The following SMARCB1 variants were observed in gnomAD, a reference collection of about 807,000 sequenced individuals.
The protein encoded by SMARCB1 is SWI/SNF related BAF chromatin remodeling complex subunit B1.
A neutral mutation model predicts 49.0 loss-of-function variants in SMARCB1; 5 were observed. That is an observed-to-expected ratio of 0.10 (90% confidence interval 0.05 to 0.21). The LOEUF (loss-of-function observed/expected upper bound fraction) is 0.21. SMARCB1 is among the 10% of genes least tolerant of loss of function. The pLI is 1.00. For missense variants in SMARCB1, 226 were observed against 509.2 expected (o/e 0.44, Z 5.35); for synonymous variants, 201 against 200.1 (o/e 1.00, Z -0.04).
chr22:23,787,238 C>G lies in SMARCB1; in HGVS notation c.69C>G (p.Gly23=), dbSNP rs769604673. Residue 23 remains glycine, a synonymous_variant, in exon 1 of 9, where the codon GGC becomes GGG. Transcript: ENST00000644036. ...KPVKFQLEDD[G]EFYMIGSEVG... ...TGAAGTTCCAGCTGGAGGACGACGG[C>G]GAGTTCTACATGATCGGCTCCGAGG... 2.4e-5 allele frequency: 38 copies of G among 1,605,508 alleles called. No homozygotes were observed. In the East Asian group the frequency reaches 8.3e-4, roughly 35 times the overall value.
intron 3 of SMARCB1, among the ~76,000 whole-genome samples, chr22:23,795,383 C>T (rs967395559): frequency 6.6e-6 from 1 of 152,030 alleles, no homozygotes; most frequent in South Asian, 2.1e-4. Flanking sequence ...AGGCCGGGCA[C>T]GGTGGCTCAC....
chr22:23,787,360 C>CTGT, intron 1 of SMARCB1, 98 bp downstream of exon 1: 1 of 531,636 alleles, frequency 1.9e-6, no homozygotes, highest in African/African-American at 3.9e-5. Flanking sequence ...TTCATCGGGG[C>CTGT]GGGCGGGCGC....
intron 7 of SMARCB1, among the ~76,000 whole-genome samples, chr22:23,828,920 G>A (rs1204665740): frequency 6.6e-6 from 1 of 152,232 alleles, no homozygotes; most frequent in African/African-American, 2.4e-5. Context: ...ACAGACAGGA[G>A]ACAAGCATGA....
At chr22:23,808,484 C>T (rs1929656163) in intron 5 of SMARCB1, among the ~76,000 whole-genome samples, 1 of 151,926 alleles carries the variant, frequency 6.6e-6, no homozygotes, top group Non-Finnish European at 1.5e-5. Flanking sequence ...TCTCGATCTC[C>T]TGACCTCGTG....
chr22:23,803,157 G>T (rs1929272524), intron 4 of SMARCB1, 138 bp from the exon 5 acceptor site: 8 of 1,136,618 alleles, frequency 7.0e-6, no homozygotes, highest in African/African-American at 1.5e-5. Flanking sequence ...CTCGTCTGCT[G>T]CCTCAGCTGT....
chr22:23,790,321 C>T (rs1371684218), intron 1 of SMARCB1, among the ~76,000 whole-genome samples: 2 of 152,148 alleles, frequency 1.3e-5, no homozygotes, highest in Admixed American at 6.6e-5. Context: ...ATGTGGAAAG[C>T]GAGTGACTTG....
rs1277350029 is a variant in SMARCB1 at position 23,835,031 on chromosome 22, C to CT, written c.*852dup. On this transcript the variant is annotated 3_prime_UTR_variant, in exon 9 of 9. Coordinates refer to ENST00000644036, the MANE Select transcript of SMARCB1 (RefSeq NM_003073.5). ...CCAGTGGCACCCATAGCCAGGTCAG[C>CT]TGGGGCCCTTTCCCACCCCAGCAGG... The CT allele has an allele frequency of 7.0e-5, 99 of 1,416,158 alleles. 1 individual carries two copies. Among genetic ancestry groups the CT allele is most frequent in the Non-Finnish European group, 8.9e-5 (97 of 1,087,506 alleles). 87.7% of individuals were successfully genotyped at this position (1,416,158 alleles called of 1,614,324 possible).
At chr22:23,831,207 A>G (rs6003904) in intron 7 of SMARCB1, among the ~76,000 whole-genome samples, 34,727 of 152,048 alleles carry the variant, frequency 0.23, 5,732 homozygotes, top group African/African-American at 0.47. Context: ...TGGACAGGTC[A>G]TTTTCCCTTG....
chr22:23,800,702 C>A (rs974171578), intron 3 of SMARCB1, among the ~76,000 whole-genome samples: 2 of 152,184 alleles, frequency 1.3e-5, no homozygotes, highest in African/African-American at 4.8e-5. Flanking sequence ...GCTCATAGTG[C>A]AGTACACCAT....
intron 4 of SMARCB1, chr22:23,801,422 T>C (rs1420232435): frequency 1.6e-6 from 1 of 608,876 alleles, no homozygotes; most frequent in Admixed American, 2.1e-5. Flanking sequence ...TCCACGTGAC[T>C]CCCACTGTGC....
At chr22:23,798,419 T>A (rs192489431) in intron 3 of SMARCB1, among the ~76,000 whole-genome samples, 1 of 152,006 alleles carries the variant, frequency 6.6e-6, no homozygotes, top group South Asian at 2.1e-4. Context: ...TAAAAAAATT[T>A]AAAAATTGCA....
chr22:23,825,018 C>T (rs1746254907), intron 6 of SMARCB1: 12 of 615,854 alleles, frequency 1.9e-5, no homozygotes, highest in Non-Finnish European at 3.2e-5. Context: ...CTGTGCTGGG[C>T]CCTGAGCCAG....
Position 23,835,161 on chromosome 22 carries a change from G to A in SMARCB1, c.*981G>A. 3 of 1,315,110 alleles carry A rather than the reference G, an allele frequency of 2.3e-6. No homozygotes were observed. Among genetic ancestry groups the A allele is most frequent in the Non-Finnish European group, 2.9e-6 (3 of 1,035,090 alleles). 81.5% of individuals were successfully genotyped at this position (1,315,110 alleles called of 1,614,324 possible). A position where few individuals can be genotyped will look rare whatever the true frequency, so the allele number is the denominator to read the frequency against. ...TCTTGGAGTTGACACGGTACAGGGA[G>A]GAGACACAGCCCAGGGTCCCTTCCC... is the stretch of plus-strand genomic sequence containing the variant. On this transcript the variant is annotated 3_prime_UTR_variant, in exon 9 of 9. Coordinates refer to ENST00000644036, the MANE Select transcript of SMARCB1 (RefSeq NM_003073.5).
In SMARCB1 at chr22:23,793,671, G is replaced by GC. The variant is rs1555876140; in HGVS notation, c.351dup (p.Thr118HisfsTer52). 6.2e-7 allele frequency: 1 copy of GC among 1,614,112 alleles called. No individual in the cohort carries two copies. Among genetic ancestry groups the GC allele is most frequent in the Non-Finnish European group, 8.5e-7 (1 of 1,180,022 alleles). ...ACAAGGCTGTGTCCATCAGCACAGA[G>GC]CCCCCCACCTACCTCAGGTAATGCG... On this transcript the variant is annotated frameshift_variant, in exon 3 of 9. Transcript: ENST00000644036. LOFTEE classifies it high-confidence loss of function.
At chr22:23,803,142 C>G in intron 4 of SMARCB1, 153 bp from the exon 5 acceptor site, 1 of 981,552 alleles carries the variant, frequency 1.0e-6, no homozygotes, top group South Asian at 1.3e-5. Flanking sequence ...GGGACCCCTG[C>G]TAGCCTCGTC....
rs766292085 is a variant in SMARCB1 at position 23,835,156 on chromosome 22, A to G, written c.*976A>G. 111 of 1,324,818 alleles carry G rather than the reference A, an allele frequency of 8.4e-5. No homozygotes were observed. Among genetic ancestry groups the G allele is most frequent in the Non-Finnish European group, 1.0e-4 (106 of 1,040,636 alleles). The allele number at this position is 1,324,818 out of a possible 1,614,324, so 82.1% of individuals were successfully genotyped here. A position where few individuals can be genotyped will look rare whatever the true frequency, so the allele number is the denominator to read the frequency against. On this transcript the variant is annotated 3_prime_UTR_variant, in exon 9 of 9. Transcript: ENST00000644036. ...CCAGCTCTTGGAGTTGACACGGTAC[A>G]GGGAGGAGACACAGCCCAGGGTCCC...
rs373708886 is a variant in SMARCB1, at chr22:23,791,906, C to T, written c.232+12C>T. On this transcript the variant is annotated intron_variant, in intron 2 of 8. Transcript: ENST00000644036. ...ACCTAACACTAAGGGTGCGTCTTCA[C>T]GAGGGTTTGTAAACCTGTTTCAAAA... 31 of 1,613,622 alleles carry T rather than the reference C, an allele frequency of 1.9e-5. No homozygotes were observed. The highest frequency in any genetic ancestry group is 8.0e-5 in the African/African-American group (6 of 74,946).
At chr22:23,833,487 G>A (rs1568962751) in intron 7 of SMARCB1, 85 bp from the exon 8 acceptor site, 4 of 1,579,142 alleles carry the variant, frequency 2.5e-6, no homozygotes, top group Non-Finnish European at 3.5e-6. Flanking sequence ...GGAGGAGCAG[G>A]GCACAGACAG....
intron 5 of SMARCB1, chr22:23,816,367 C>T: frequency 2.8e-6 from 1 of 354,588 alleles, no homozygotes; most frequent in Non-Finnish European, 5.4e-6. Context: ...TGGTATTGGG[C>T]CAGCCTCTGT....
Sources: allele counts gnomAD v4.1 joint callset (sites outside exome capture counted in the v4.1 genomes callset), GRCh38; gene constraint gnomAD v4.1.1; transcripts MANE v1.5; gene names NCBI Gene and HGNC (gene_info 2026-07-23, HGNC 2026-07-21).